FGD5: variants seen among roughly 807,000 people sequenced by gnomAD.
FGD5 encodes FYVE, RhoGEF and PH domain-containing protein 5.
A neutral mutation model predicts 133.4 loss-of-function variants in FGD5; 28 were observed. That is an observed-to-expected ratio of 0.21 (90% CI 0.16 to 0.29). The LOEUF is 0.29. Ranked by LOEUF, FGD5 falls within the 10% of genes least tolerant of loss-of-function variation. The probability of loss-of-function intolerance (pLI) is 1.00; values close to 1 mark genes in which losing one functional copy is unlikely to be tolerated. For synonymous variants in FGD5, 810 were observed against 776.5 expected, an observed-to-expected ratio of 1.04 and a Z score of -0.72; for missense variants, 1,858 against 1,895.2, an observed-to-expected ratio of 0.98 and a Z score of 0.36.
intron 4 of FGD5, among the ~76,000 whole-genome samples, chr3:14,893,752 CTTTTTTTT>C (rs138741627): frequency 1.1e-5 from 1 of 95,056 alleles, no homozygotes; most frequent in Non-Finnish European, 1.9e-5. Context: ...TTTCTTTTTT[CTTTTTTTT>C]TTTTTTTTTT....
At chr3:14,824,065 G>A (rs1247201945) in intron 1 of FGD5, among the ~76,000 whole-genome samples, 4 of 152,172 alleles carry the variant, frequency 2.6e-5, no homozygotes, top group Admixed American at 1.3e-4. Flanking sequence ...TCAAAAGCAC[G>A]GTTGCACCAC....
chr3:14,892,998 C>T lies in FGD5; in HGVS notation c.2749-4511C>T, dbSNP rs969312974. On this transcript the variant is annotated intron_variant, in intron 4 of 19. Transcript: ENST00000285046. Reference sequence around the variant, plus strand: ...TGGGCAAGAGTGCATGATCTCTGACCCTGGGATTTTCCCAATATGCATTGC... The same window carrying T: ...TGGGCAAGAGTGCATGATCTCTGACTCTGGGATTTTCCCAATATGCATTGC... 7.2e-5 allele frequency among the ~76,000 whole-genome samples: 11 copies of T among 152,120 alleles called. No homozygotes were observed. The East Asian group carries it at 1.7e-3, about 24-fold the overall frequency.
intron 1 of FGD5, among the ~76,000 whole-genome samples, chr3:14,812,092 CATT>C (rs2036304660): frequency 1.3e-5 from 2 of 151,530 alleles, no homozygotes; most frequent in Non-Finnish European, 2.9e-5. Context: ...GAAAAAAAGT[CATT>C]GTTTTAGCAG....
At chr3:14,894,105 C>G (rs1428143822) in intron 4 of FGD5, among the ~76,000 whole-genome samples, 1 of 152,168 alleles carries the variant, frequency 6.6e-6, no homozygotes, top group African/African-American at 2.4e-5. Flanking sequence ...ATCATCCTCT[C>G]TTCATTGCCA....
Position 14,922,294 on chromosome 3 carries a change from C to A in FGD5, c.3670-117C>A. 7.0e-7 allele frequency: 1 copy of A among 1,419,452 alleles called. No homozygotes were observed. Among genetic ancestry groups the A allele is most frequent in the Non-Finnish European group, 9.6e-7 (1 of 1,046,096 alleles). 87.9% of individuals were successfully genotyped at this position (1,419,452 alleles called of 1,614,324 possible). A position where few individuals can be genotyped will look rare whatever the true frequency, so the allele number is the denominator to read the frequency against. The stretch of plus-strand genomic sequence containing the variant: ...CAGGAGAGGCCTTTCACATCAGACC[C>A]ACTCACCCACACATCACACACCCTG... On this transcript the variant is annotated intron_variant, in intron 14 of 19. Coordinates refer to ENST00000285046, the MANE Select transcript of FGD5 (RefSeq NM_152536.4). The surrounding 1 kb of genome is among the most constrained non-coding windows in gnomAD (Gnocchi z 4.1).
chr3:14,917,179 C>A lies in FGD5; in HGVS notation c.3406-70C>A. On this transcript the variant is annotated intron_variant, in intron 11 of 19. Transcript: ENST00000285046. The surrounding 1 kb of genome is among the most constrained non-coding windows in gnomAD (Gnocchi z 4.1). ...CCTGTGCACAGCGGAGCTCAGGGAT[C>A]CTTTGAGGACAGAAGCCTGGCGCAG... 1 of 1,402,764 alleles carries A rather than the reference C, an allele frequency of 7.1e-7. No homozygotes were observed. The highest frequency in any genetic ancestry group is 1.3e-5 in the South Asian group (1 of 79,814). The allele number at this position is 1,402,764 out of a possible 1,614,324, so 86.9% of individuals were successfully genotyped here. A position where few individuals can be genotyped will look rare whatever the true frequency, so the allele number is the denominator to read the frequency against.
At chr3:14,869,914 C>G (rs564662577) in intron 2 of FGD5, among the ~76,000 whole-genome samples, 82 of 152,334 alleles carry the variant, frequency 5.4e-4, no homozygotes, top group African/African-American at 1.9e-3. Context: ...GTGCACAGAT[C>G]TCTCTAAGAC....
At chr3:14,895,966 C>T (rs978379341) in intron 4 of FGD5, among the ~76,000 whole-genome samples, 6 of 151,504 alleles carry the variant, frequency 4.0e-5, no homozygotes, top group Non-Finnish European at 8.8e-5. Flanking sequence ...ATACAAAAAT[C>T]AGTAGCATTT....
At chr3:14,832,937 GCTTC>G (rs2036744569) in intron 1 of FGD5, among the ~76,000 whole-genome samples, 1 of 152,216 alleles carries the variant, frequency 6.6e-6, no homozygotes. Context: ...GAAGGTTTAC[GCTTC>G]CTTAGATTGC....
intron 2 of FGD5, among the ~76,000 whole-genome samples, chr3:14,869,171 G>C (rs568134142): frequency 6.6e-6 from 1 of 152,062 alleles, no homozygotes; most frequent in Admixed American, 6.5e-5. Context: ...GCACGTGCCT[G>C]TAGTCCCAGC....
chr3:14,867,772 T>G (rs1042394991), intron 2 of FGD5, among the ~76,000 whole-genome samples: 13 of 152,256 alleles, frequency 8.5e-5, no homozygotes, highest in African/African-American at 3.1e-4. Context: ...AGAATTCAGT[T>G]TCTCCAAAAG....
chr3:14,900,806 C>T (rs1253553445), intron 8 of FGD5, among the ~76,000 whole-genome samples, 197 bp from the exon 9 acceptor site: 1 of 152,204 alleles, frequency 6.6e-6, no homozygotes, highest in Non-Finnish European at 1.5e-5. Context: ...TATCACCTGC[C>T]AGGGTGGTCA....
At chr3:14,872,231 A>G (rs567877064) in intron 2 of FGD5, among the ~76,000 whole-genome samples, 5 of 152,298 alleles carry the variant, frequency 3.3e-5, no homozygotes, top group African/African-American at 1.2e-4. Flanking sequence ...TAAACTTTAT[A>G]TTCATATTTT....
At chr3:14,879,102 T>G (rs900921634) in intron 2 of FGD5, among the ~76,000 whole-genome samples, 4 of 152,212 alleles carry the variant, frequency 2.6e-5, no homozygotes, top group Non-Finnish European at 5.9e-5. Context: ...ACGAGTGGCT[T>G]CTTAAGTTTA....
At chr3:14,831,370 A>C (rs1292739328) in intron 1 of FGD5, among the ~76,000 whole-genome samples, 1 of 152,218 alleles carries the variant, frequency 6.6e-6, no homozygotes, top group East Asian at 1.9e-4. Flanking sequence ...AAGTAGTTCA[A>C]AACTGTAGCT....
chr3:14,898,855 T>G (rs1233049223), intron 7 of FGD5, 29 bp downstream of exon 7: 8 of 1,553,382 alleles, frequency 5.2e-6, no homozygotes, highest in Non-Finnish European at 7.0e-6. Context: ...CAATGGGGAC[T>G]GAGGCGGCAG....
At chr3:14,919,374 T>C (rs2038626928) in intron 13 of FGD5, among the ~76,000 whole-genome samples, 1 of 152,078 alleles carries the variant, frequency 6.6e-6, no homozygotes, top group Admixed American at 6.5e-5. Flanking sequence ...ATCCCAGCCC[T>C]TTGGGAGGCC....
At chr3:14,915,714 A>G (rs1418744715) in intron 11 of FGD5, among the ~76,000 whole-genome samples, 1 of 151,518 alleles carries the variant, frequency 6.6e-6, no homozygotes, top group Admixed American at 6.6e-5. Context: ...TACAGGGCTC[A>G]CTTTGGTTCA....
chr3:14,919,345 G>A (rs567563178), intron 13 of FGD5, among the ~76,000 whole-genome samples: 9 of 152,314 alleles, frequency 5.9e-5, no homozygotes, highest in East Asian at 3.9e-4. Context: ...CAGGCCGGGC[G>A]CGGTGGCTCA....
Sources: gnomAD v4.1 joint callset for allele counts (sites outside exome capture counted in the v4.1 genomes callset) on GRCh38, gnomAD v4.1.1 for gene constraint, Gnocchi (gnomAD v3.1) non-coding constraint, MANE v1.5 for transcripts, NCBI Gene and HGNC (gene_info 2026-07-23, HGNC 2026-07-21) for gene names.